The following TMC1 variants were observed in gnomAD, a reference collection of about 807,000 sequenced individuals.
The protein encoded by TMC1 is transmembrane channel like 1, also known as transmembrane channel-like protein 1.
TMC1 carries 84 observed loss-of-function variants against 105.8 expected under a neutral mutation model. The ratio of observed to expected loss-of-function variants is 0.79; its 90% confidence interval spans 0.67 to 0.95. TMC1 has a LOEUF of 0.95. Ranked by LOEUF, TMC1 falls within the 40% of genes least tolerant of loss-of-function variation. The pLI, the probability that TMC1 is intolerant of heterozygous loss-of-function variation, is 0.00. For missense variants in TMC1, 817 were observed against 914.1 expected, an observed-to-expected ratio of 0.89 and a Z score of 1.37; for synonymous variants, 315 against 311.5, an observed-to-expected ratio of 1.01 and a Z score of -0.12.
chr9:72,530,304 G>T (rs577234955), intron 1 of TMC1, among the ~76,000 whole-genome samples: 1 of 152,220 alleles, frequency 6.6e-6, no homozygotes, highest in South Asian at 2.1e-4. Context: ...TTCCTGAGTA[G>T]CTGGGATTAC....
intron 10 of TMC1, among the ~76,000 whole-genome samples, chr9:72,747,291 T>C (rs1279529839): frequency 6.6e-6 from 1 of 152,198 alleles, no homozygotes; most frequent in African/African-American, 2.4e-5. Context: ...GTGCTTCACA[T>C]TCTAGCCTAA....
At chr9:72,694,490 A>G (rs1826516505) in intron 6 of TMC1, 53 bp from the exon 7 acceptor site, 1 of 1,517,354 alleles carries the variant, frequency 6.6e-7, no homozygotes, top group Non-Finnish European at 9.1e-7. Flanking sequence ...TAAGCTTGGT[A>G]GTGGGAGGAA....
chr9:72,806,152 GGGC>G (rs1828574232), intron 18 of TMC1, among the ~76,000 whole-genome samples: 2 of 150,752 alleles, frequency 1.3e-5, no homozygotes, highest in South Asian at 4.2e-4. Context: ...CTCCCGGGCG[GGGC>G]GGCTGGCCGG....
intron 5 of TMC1, among the ~76,000 whole-genome samples, chr9:72,664,292 A>G (rs1248953654): frequency 1.3e-5 from 2 of 152,184 alleles, no homozygotes; most frequent in African/African-American, 4.8e-5. Context: ...CCACAAACAT[A>G]TGAGTAATGT....
At chr9:72,639,005 A>G (rs1048901814) in intron 4 of TMC1, among the ~76,000 whole-genome samples, 5 of 152,152 alleles carry the variant, frequency 3.3e-5, no homozygotes, top group Admixed American at 1.3e-4. Context: ...TAATTTATCA[A>G]CCTACCATAG....
intron 10 of TMC1, among the ~76,000 whole-genome samples, chr9:72,747,784 C>T (rs1027424112): frequency 3.9e-5 from 6 of 152,090 alleles, no homozygotes; most frequent in East Asian, 1.9e-4. Flanking sequence ...TTAGTAGAGA[C>T]GGGGTTTCAA....
In TMC1 at chr9:72,698,325, G is replaced by A. The variant is rs142976046; in HGVS notation, c.237-2193G>A. 1.4e-4 allele frequency among the ~76,000 whole-genome samples: 22 copies of A among 152,294 alleles called. No individual in the cohort carries two copies. In the East Asian group the frequency reaches 4.2e-3, roughly 29 times the overall value. Reference sequence around the variant, plus strand: ...ATGAATTTTTGTTTCAGTAATCATAGCATGATTAAAAACTATAAATTGGTG... The same window carrying A: ...ATGAATTTTTGTTTCAGTAATCATAACATGATTAAAAACTATAAATTGGTG... On this transcript the variant is annotated intron_variant, in intron 7 of 23. Coordinates refer to ENST00000297784, the MANE Select transcript of TMC1 (RefSeq NM_138691.3).
At chr9:72,716,385 T>C (rs1055149731) in intron 8 of TMC1, among the ~76,000 whole-genome samples, 33 of 152,230 alleles carry the variant, frequency 2.2e-4, no homozygotes, top group African/African-American at 7.2e-4. Context: ...CCAGGTGCTC[T>C]GTCCCAGGAA....
chr9:72,630,425 A>G (rs545629184), intron 4 of TMC1, among the ~76,000 whole-genome samples: 1 of 152,314 alleles, frequency 6.6e-6, no homozygotes, highest in Middle Eastern at 3.4e-3. Context: ...GCTATTTTAA[A>G]TGTTTATGCC....
chr9:72,526,499 A>G (rs1400573164), intron 1 of TMC1, among the ~76,000 whole-genome samples: 1 of 152,226 alleles, frequency 6.6e-6, no homozygotes, highest in East Asian at 1.9e-4. Context: ...CAAAGCTTGT[A>G]AAATGATTAA....
At chr9:72,689,077 A>G (rs540916453) in intron 6 of TMC1, among the ~76,000 whole-genome samples, 1 of 152,306 alleles carries the variant, frequency 6.6e-6, no homozygotes, top group African/African-American at 2.4e-5. Flanking sequence ...AGACCCAAAG[A>G]TAGAGAAAAT....
chr9:72,676,164 T>C (rs564943614), intron 5 of TMC1, among the ~76,000 whole-genome samples: 2 of 152,290 alleles, frequency 1.3e-5, no homozygotes, highest in South Asian at 2.1e-4. Context: ...GACATTGGCG[T>C]TGGAGTTAAG....
intron 13 of TMC1, among the ~76,000 whole-genome samples, chr9:72,777,707 T>G (rs1828028253): frequency 6.6e-6 from 1 of 152,246 alleles, no homozygotes; most frequent in Non-Finnish European, 1.5e-5. Flanking sequence ...CTTGCAAGCA[T>G]GGACTAATAA....
At chr9:72,828,411 G>A (rs1828991690) in intron 21 of TMC1, among the ~76,000 whole-genome samples, 1 of 148,818 alleles carries the variant, frequency 6.7e-6, no homozygotes. Context: ...TGAATGAGGT[G>A]TTGTTTAAAA....
intron 8 of TMC1, among the ~76,000 whole-genome samples, chr9:72,704,662 C>T (rs968642454): frequency 6.6e-6 from 1 of 152,152 alleles, no homozygotes; most frequent in Non-Finnish European, 1.5e-5. Context: ...ATCTCCTTTT[C>T]ATCATCACTG....
intron 23 of TMC1, among the ~76,000 whole-genome samples, chr9:72,833,360 C>T (rs1393668171): frequency 6.6e-6 from 1 of 152,110 alleles, no homozygotes; most frequent in Non-Finnish European, 1.5e-5. Flanking sequence ...TTGAGTTATA[C>T]TCTCAATATA....
chr9:72,591,002 A>C (rs1824631237), intron 2 of TMC1, among the ~76,000 whole-genome samples: 1 of 152,174 alleles, frequency 6.6e-6, no homozygotes, highest in African/African-American at 2.4e-5. Flanking sequence ...CAAAAAGAGG[A>C]AGACAGAGTG....
Position 72,716,525 on chromosome 9 carries a change from G to A in TMC1, c.362+15882G>A, listed in dbSNP as rs114391672. On this transcript the variant is annotated intron_variant, in intron 8 of 23. Transcript: ENST00000297784. ...TCCTTACTGAGCTGTGGTGAGCTTC[G>A]TCCAGTTTGAACTTCCTGGCAACTT... 4.6e-3 allele frequency among the ~76,000 whole-genome samples: 694 copies of A among 152,216 alleles called. 7 individuals are homozygous for A. The highest frequency in any genetic ancestry group is 0.014 in the African/African-American group (576 of 41,498).
intron 2 of TMC1, among the ~76,000 whole-genome samples, chr9:72,605,348 T>C (rs1824895050): frequency 6.6e-6 from 1 of 152,134 alleles, no homozygotes; most frequent in Non-Finnish European, 1.5e-5. Flanking sequence ...GTATCTTATT[T>C]GTTTGCTAGG....
Sources: gnomAD v4.1 joint callset for allele counts (sites outside exome capture counted in the v4.1 genomes callset) on GRCh38, gnomAD v4.1.1 for gene constraint, MANE v1.5 for transcripts, NCBI Gene and HGNC (gene_info 2026-07-23, HGNC 2026-07-21) for gene names.